Variants in C1QTNF3 observed in about 807,000 individuals in gnomAD.
C1QTNF3 encodes the protein C1q and TNF related 3, also known as complement C1q tumor necrosis factor-related protein 3.
Under a neutral mutation model 32.6 loss-of-function variants are expected in C1QTNF3, and 26 were observed. The observed-to-expected ratio is 0.80, with a 90% CI of 0.58 to 1.11. The LOEUF (loss-of-function observed/expected upper bound fraction) is 1.11. C1QTNF3 is among the 50% of genes least tolerant of loss of function. The probability of loss-of-function intolerance (pLI) is 0.00; values close to 1 mark genes in which losing one functional copy is unlikely to be tolerated. For synonymous variants in C1QTNF3, 155 were observed against 146.0 expected, an observed-to-expected ratio of 1.06 and a Z score of -0.44; for missense variants, 362 against 398.2, an observed-to-expected ratio of 0.91 and a Z score of 0.77.
chr5:34,051,803 T>C, the C1QTNF3 span, among the ~76,000 whole-genome samples: 1 of 152,198 alleles, frequency 6.6e-6, no homozygotes, highest in Non-Finnish European at 1.5e-5. Flanking sequence ...TGGGTGTGGG[T>C]GAGGCAAGCT....
At chr5:34,169,067 C>T in the C1QTNF3 span, 1 of 152,108 alleles carries the variant, frequency 6.6e-6, no homozygotes, top group South Asian at 2.1e-4. Flanking sequence ...GTATTTCTTC[C>T]CTCTGGCGGG....
chr5:34,135,902 A>G, the C1QTNF3 span, among the ~76,000 whole-genome samples: 1 of 149,168 alleles, frequency 6.7e-6, no homozygotes, highest in African/African-American at 2.5e-5. Context: ...TTCCCTATTT[A>G]ATAAATGGTG....
chr5:34,059,662 C>T, the C1QTNF3 span, among the ~76,000 whole-genome samples: 4 of 152,298 alleles, frequency 2.6e-5, no homozygotes, highest in African/African-American at 9.6e-5. Flanking sequence ...CTCTTGCTAA[C>T]ACCATCAGCT....
the C1QTNF3 span, among the ~76,000 whole-genome samples, chr5:34,177,118 A>G: frequency 6.6e-6 from 1 of 151,886 alleles, no homozygotes; most frequent in Non-Finnish European, 1.5e-5. Flanking sequence ...ACTTGAGCCC[A>G]GGAGGTTGAG....
At chr5:34,076,216 T>C in the C1QTNF3 span, among the ~76,000 whole-genome samples, 2,237 of 151,548 alleles carry the variant, frequency 0.015, 123 homozygotes, top group African/African-American at 0.052. Flanking sequence ...CACACAACAA[T>C]GTGAATGTAC....
At chr5:34,177,608 TC>T in the C1QTNF3 span, among the ~76,000 whole-genome samples, 2 of 147,242 alleles carry the variant, frequency 1.4e-5, no homozygotes, top group Non-Finnish European at 3.0e-5. Context: ...TGCTTTAGCC[TC>T]CTGAGTAGCT....
rs1273349578 is a variant in C1QTNF3 at position 34,036,105 on chromosome 5, T to C, written c.304-347A>G. Among the ~76,000 whole-genome samples, 3 of 152,336 alleles carry C rather than the reference T, an allele frequency of 2.0e-5. 1 individual carries two copies. The highest frequency in any genetic ancestry group is 4.2e-4 in the South Asian group (2 of 4,818). ...CCTTCAGAAGTGGACTTGGAAGCCTTTTCTCTTTTCCAACTGCCATAGCCC... is the reference window on the plus strand; with the variant it reads ...CCTTCAGAAGTGGACTTGGAAGCCTCTTCTCTTTTCCAACTGCCATAGCCC... On this transcript the variant is annotated intron_variant, in intron 1 of 5. Transcript: ENST00000382065.
chr5:34,196,554 CGAG>C, the C1QTNF3 span, among the ~76,000 whole-genome samples: 1 of 152,272 alleles, frequency 6.6e-6, no homozygotes, highest in Admixed American at 6.5e-5. Flanking sequence ...CTTTATATGA[CGAG>C]GAAATGTTTT....
chr5:34,155,224 T>C, the C1QTNF3 span, among the ~76,000 whole-genome samples: 1 of 152,206 alleles, frequency 6.6e-6, no homozygotes, highest in East Asian at 1.9e-4. Context: ...ATGGATTGAC[T>C]CTGCATGTAC....
the C1QTNF3 span, among the ~76,000 whole-genome samples, chr5:34,063,375 T>C: frequency 6.6e-6 from 1 of 152,108 alleles, no homozygotes; most frequent in Non-Finnish European, 1.5e-5. Flanking sequence ...CTCTCCTCTC[T>C]GTCTCTTTCT....
At chr5:34,155,096 CA>C in the C1QTNF3 span, among the ~76,000 whole-genome samples, 1 of 152,126 alleles carries the variant, frequency 6.6e-6, no homozygotes. Context: ...GAAGTACATT[CA>C]GGGGATTTCT....
the C1QTNF3 span, chr5:34,124,077 T>C: frequency 5.3e-6 from 1 of 188,836 alleles, no homozygotes; most frequent in Non-Finnish European, 1.1e-5. Context: ...ATAGGTACTT[T>C]AATGTCAAGT....
At chr5:34,040,058 G>A (rs1754830604) in intron 1 of C1QTNF3, among the ~76,000 whole-genome samples, 1 of 152,222 alleles carries the variant, frequency 6.6e-6, no homozygotes. Flanking sequence ...GTTGAATGGA[G>A]CAATGCTTTT....
At chr5:34,174,143 C>A in the C1QTNF3 span, among the ~76,000 whole-genome samples, 1 of 152,204 alleles carries the variant, frequency 6.6e-6, no homozygotes, top group Non-Finnish European at 1.5e-5. Context: ...CTGCAGCCTC[C>A]GCCTCCGAGG....
At chr5:34,035,849 G>A (rs2112116422) in intron 1 of C1QTNF3, 91 bp from the exon 2 acceptor site, 2 of 901,188 alleles carry the variant, frequency 2.2e-6, no homozygotes, top group Non-Finnish European at 1.7e-6. Context: ...CCTTAGGTAA[G>A]CTTAATTCCA....
the C1QTNF3 span, among the ~76,000 whole-genome samples, chr5:34,162,959 C>A: frequency 6.6e-6 from 1 of 152,126 alleles, no homozygotes; most frequent in East Asian, 1.9e-4. Context: ...AAACATGTTT[C>A]TTCATCTTAA....
the C1QTNF3 span, among the ~76,000 whole-genome samples, chr5:34,088,994 C>T: frequency 6.6e-6 from 1 of 151,822 alleles, no homozygotes; most frequent in African/African-American, 2.4e-5. Flanking sequence ...GTTTGATCTC[C>T]TGAGACACAA....
chr5:34,175,873 A>G, the C1QTNF3 span: 1 of 799,204 alleles, frequency 1.3e-6, no homozygotes, highest in Non-Finnish European at 2.3e-6. Context: ...CCAACCACGT[A>G]TTTTCTGCGT....
chr5:34,238,655 T>TACGAC, the C1QTNF3 span, among the ~76,000 whole-genome samples: 1 of 151,918 alleles, frequency 6.6e-6, no homozygotes, highest in Non-Finnish European at 1.5e-5. Context: ...AGACCAAATC[T>TACGAC]ACGACTCATT....
Sources: allele counts gnomAD v4.1 joint callset (sites outside exome capture counted in the v4.1 genomes callset), GRCh38; gene constraint gnomAD v4.1.1; transcripts MANE v1.5; gene names NCBI Gene and HGNC (gene_info 2026-07-23, HGNC 2026-07-21).